The following RPS6KC1 variants were observed in gnomAD, a reference collection of about 807,000 sequenced individuals.
RPS6KC1 encodes ribosomal protein S6 kinase C1.
Under a neutral mutation model 103.8 loss-of-function variants are expected in RPS6KC1, and 54 were observed. That is an observed-to-expected ratio of 0.52 (90% confidence interval 0.42 to 0.65). The LOEUF (loss-of-function observed/expected upper bound fraction) is 0.65. Ranked by LOEUF, RPS6KC1 falls within the 30% of genes least tolerant of loss-of-function variation. The pLI is 0.00. For missense variants in RPS6KC1, 1,151 were observed against 1,253.8 expected, an observed-to-expected ratio of 0.92 and a Z score of 1.24; for synonymous variants, 439 against 438.7, an observed-to-expected ratio of 1.00 and a Z score of -0.01.
chr1:213,680,665 G>C, the RPS6KC1 span, among the ~76,000 whole-genome samples: 1 of 152,114 alleles, frequency 6.6e-6, no homozygotes, highest in African/African-American at 2.4e-5. Context: ...GGGCTCGGGA[G>C]GGGGAAGGAG....
intron 3 of RPS6KC1, among the ~76,000 whole-genome samples, chr1:213,096,067 GGA>G (rs1331640063): frequency 2.6e-5 from 4 of 152,184 alleles, no homozygotes; most frequent in Non-Finnish European, 5.9e-5. Context: ...TTTCAGAATT[GGA>G]GTCAGTCCTC....
intron 4 of RPS6KC1, among the ~76,000 whole-genome samples, chr1:213,105,200 A>C (rs1357866658): frequency 6.7e-6 from 1 of 150,276 alleles, no homozygotes; most frequent in Non-Finnish European, 1.5e-5. Context: ...CTAGATATGT[A>C]ATGCTTTCAT....
chr1:213,598,876 G>A, the RPS6KC1 span, among the ~76,000 whole-genome samples: 1 of 152,166 alleles, frequency 6.6e-6, no homozygotes, highest in Non-Finnish European at 1.5e-5. Context: ...AGCCGAGATT[G>A]TGCCACTGGA....
At chr1:213,192,999 C>T (rs780584991) in intron 8 of RPS6KC1, among the ~76,000 whole-genome samples, 1 of 151,880 alleles carries the variant, frequency 6.6e-6, no homozygotes, top group Non-Finnish European at 1.5e-5. Context: ...TCTGTAGTTT[C>T]CAGAAATTTC....
At chr1:213,442,464 G>T in the RPS6KC1 span, among the ~76,000 whole-genome samples, 1 of 152,076 alleles carries the variant, frequency 6.6e-6, no homozygotes, top group East Asian at 1.9e-4. Flanking sequence ...GAATTTTAGG[G>T]GTAGAAAACT....
At chr1:213,348,411 A>G in the RPS6KC1 span, among the ~76,000 whole-genome samples, 1 of 152,198 alleles carries the variant, frequency 6.6e-6, no homozygotes, top group Non-Finnish European at 1.5e-5. Context: ...AATTCGGGCC[A>G]ATGAAACATA....
the RPS6KC1 span, among the ~76,000 whole-genome samples, chr1:213,805,134 C>T: frequency 4.5e-4 from 68 of 152,334 alleles, no homozygotes; most frequent in Non-Finnish European, 8.5e-4. Flanking sequence ...GAATTGGCAC[C>T]TTTTTGCTGG....
chr1:213,751,568 G>T, the RPS6KC1 span, among the ~76,000 whole-genome samples: 4 of 152,262 alleles, frequency 2.6e-5, no homozygotes, highest in South Asian at 8.3e-4. Flanking sequence ...GACAGGGCTG[G>T]TGGAGGCTGA....
the RPS6KC1 span, among the ~76,000 whole-genome samples, chr1:213,322,306 A>T: frequency 6.6e-6 from 1 of 152,168 alleles, no homozygotes; most frequent in African/African-American, 2.4e-5. Context: ...AAGAAAAAAA[A>T]TTATGAGGGC....
the RPS6KC1 span, among the ~76,000 whole-genome samples, chr1:213,760,376 A>G: frequency 2.5e-4 from 38 of 152,294 alleles, no homozygotes; most frequent in Middle Eastern, 3.4e-3. Flanking sequence ...GAACATTTGC[A>G]TATATGCTGC....
the RPS6KC1 span, among the ~76,000 whole-genome samples, chr1:213,562,671 G>T: frequency 6.6e-6 from 1 of 151,204 alleles, no homozygotes; most frequent in Admixed American, 6.6e-5. Context: ...CCTGGCCAAA[G>T]TTCTGTTTTA....
the RPS6KC1 span, among the ~76,000 whole-genome samples, chr1:213,611,450 A>T: frequency 2.6e-5 from 4 of 152,034 alleles, no homozygotes; most frequent in Non-Finnish European, 4.4e-5. Context: ...TATCCAGCCC[A>T]CTCCCTAGGA....
chr1:213,418,369 A>G, the RPS6KC1 span, among the ~76,000 whole-genome samples: 1 of 152,154 alleles, frequency 6.6e-6, no homozygotes, highest in Non-Finnish European at 1.5e-5. Context: ...GAGAGGGAAC[A>G]CAGCTTCGCC....
chr1:213,218,095 C>G (rs1028812055), intron 8 of RPS6KC1, among the ~76,000 whole-genome samples: 2 of 151,786 alleles, frequency 1.3e-5, no homozygotes, highest in East Asian at 3.9e-4. Flanking sequence ...TCCCTGTTTG[C>G]AGATGACATG....
the RPS6KC1 span, among the ~76,000 whole-genome samples, chr1:213,566,121 A>G: frequency 6.6e-6 from 1 of 152,220 alleles, no homozygotes. Flanking sequence ...TGATAAAGCA[A>G]ATACAATGAA....
At chr1:213,197,016 T>A (rs2092974906) in intron 8 of RPS6KC1, among the ~76,000 whole-genome samples, 1 of 152,154 alleles carries the variant, frequency 6.6e-6, no homozygotes. Context: ...TTTGTATTTT[T>A]AGTAGAGACA....
chr1:213,135,793 T>TA (rs1466239666), intron 6 of RPS6KC1, among the ~76,000 whole-genome samples: 2 of 152,196 alleles, frequency 1.3e-5, no homozygotes, highest in African/African-American at 4.8e-5. Context: ...AGTCAGCAGT[T>TA]ACTAATGCAG....
intron 6 of RPS6KC1, among the ~76,000 whole-genome samples, chr1:213,130,279 A>G (rs2148998666): frequency 6.6e-6 from 1 of 152,332 alleles, no homozygotes; most frequent in Middle Eastern, 3.4e-3. Context: ...GGATTTTTAA[A>G]CTAAGAGCAT....
the RPS6KC1 span, among the ~76,000 whole-genome samples, chr1:213,422,156 G>A: frequency 5.9e-5 from 9 of 152,142 alleles, no homozygotes; most frequent in African/African-American, 1.4e-4. Context: ...CTCTGTACCC[G>A]TTAAACACCA....
Sources: gnomAD v4.1 joint callset for allele counts (sites outside exome capture counted in the v4.1 genomes callset) on GRCh38, gnomAD v4.1.1 for gene constraint, MANE v1.5 for transcripts, NCBI Gene and HGNC (gene_info 2026-07-23, HGNC 2026-07-21) for gene names.